WNK3: variants seen among roughly 807,000 people sequenced by gnomAD.
WNK3 encodes WNK lysine deficient protein kinase 3.
WNK3 carries 18 observed loss-of-function variants against 116.7 expected under a neutral mutation model. That is an observed-to-expected ratio of 0.15 (90% CI 0.11 to 0.23). WNK3 has a LOEUF of 0.23. Ranked by LOEUF, WNK3 falls within the 10% of genes least tolerant of loss-of-function variation. The pLI, the probability that WNK3 is intolerant of heterozygous loss-of-function variation, is 1.00. For missense variants in WNK3, 993 were observed against 1,323.8 expected, an observed-to-expected ratio of 0.75 and a Z score of 3.88; for synonymous variants, 404 against 469.4, an observed-to-expected ratio of 0.86 and a Z score of 1.80.
rs782272022 is a variant in WNK3, at chrX:54,245,145, CGTGTGTGTGTGT to C, written c.3651+3540_3651+3551del. Reference sequence around the variant, plus strand: ...TTGTGCATTTATGTACATATATATGCGTGTGTGTGTGTGTGTGTGTGTGTGTGTGTGTGTGTG... The same window carrying C: ...TTGTGCATTTATGTACATATATATGCGTGTGTGTGTGTGTGTGTGTGTGTG... On this transcript the variant is annotated intron_variant, in intron 17 of 23. Transcript: ENST00000354646. 6.8e-3 allele frequency among the ~76,000 whole-genome samples: 576 copies of C among 84,651 alleles called. 5 individuals are homozygous for C. The highest frequency in any genetic ancestry group is 0.023 in the African/African-American group (517 of 22,696). The allele number at this position is 84,651 out of a possible 115,157, so 73.5% of individuals were successfully genotyped here. A position where few individuals can be genotyped will look rare whatever the true frequency, so the allele number is the denominator to read the frequency against.
At chrX:54,240,059 T>A (rs2068005959) in intron 17 of WNK3, among the ~76,000 whole-genome samples, 1 of 111,338 alleles carries the variant, frequency 9.0e-6, no homozygotes, top group African/African-American at 3.3e-5. Context: ...AATGCCAGCA[T>A]TTTGGGAGGC....
chrX:54,284,586 C>G (rs1467819436), intron 10 of WNK3, among the ~76,000 whole-genome samples: 1 of 110,890 alleles, frequency 9.0e-6, no homozygotes, highest in African/African-American at 3.3e-5. Flanking sequence ...CACAATAGCC[C>G]AAAACCAGAA....
intron 10 of WNK3, among the ~76,000 whole-genome samples, chrX:54,271,824 G>A (rs1424737165): frequency 9.0e-6 from 1 of 111,603 alleles, no homozygotes; most frequent in Non-Finnish European, 1.9e-5. Context: ...CTGGAAAAAT[G>A]AGATCAATCT....
chrX:54,288,376 C>A (rs1467659256), intron 10 of WNK3, among the ~76,000 whole-genome samples: 1 of 111,527 alleles, frequency 9.0e-6, no homozygotes, highest in Admixed American at 9.6e-5. Flanking sequence ...TGGAGAGCAG[C>A]ATGTTGACTA....
At chrX:54,337,593 T>TAAATAAATAAAG (rs2069258119) in intron 1 of WNK3, among the ~76,000 whole-genome samples, 1 of 105,134 alleles carries the variant, frequency 9.5e-6, no homozygotes, top group Non-Finnish European at 1.9e-5. Context: ...AATAAATAAA[T>TAAATAAATAAAG]AAATAAAATA....
intron 22 of WNK3, among the ~76,000 whole-genome samples, chrX:54,219,693 A>G (rs2067740163): frequency 1.0e-5 from 1 of 100,360 alleles, no homozygotes; most frequent in East Asian, 3.1e-4. Flanking sequence ...AAAAAAAAAA[A>G]AAAAAAAGGA....
intron 10 of WNK3, among the ~76,000 whole-genome samples, chrX:54,266,626 C>T (rs1368048252): frequency 9.0e-6 from 1 of 110,693 alleles, no homozygotes; most frequent in Non-Finnish European, 1.9e-5. Flanking sequence ...CAGCCTTGAT[C>T]TCTCAGGCTC....
chrX:54,219,398 G>A (rs925783460), intron 22 of WNK3, among the ~76,000 whole-genome samples: 3 of 109,836 alleles, frequency 2.7e-5, no homozygotes, highest in East Asian at 2.8e-4. Context: ...AAGGAGACCC[G>A]GCCAGGCACG....
intron 21 of WNK3, among the ~76,000 whole-genome samples, chrX:54,229,796 T>C (rs1557148565): frequency 9.0e-6 from 1 of 111,051 alleles, no homozygotes; most frequent in African/African-American, 3.3e-5. Context: ...CTTCCACAAA[T>C]GGTAATGTAA....
intron 1 of WNK3, among the ~76,000 whole-genome samples, chrX:54,351,353 C>T (rs781986986): frequency 9.1e-6 from 1 of 109,691 alleles, no homozygotes; most frequent in Admixed American, 9.9e-5. Context: ...AACCATGGAA[C>T]CAACTCTTAA....
exon 24 of WNK3, chrX:54,193,297 T>A (rs1305347362): frequency 1.8e-5 from 2 of 111,535 alleles, no homozygotes; most frequent in African/African-American, 6.5e-5. Context: ...CTTGAACAAC[T>A]GCACTTTCCA....
intron 8 of WNK3, among the ~76,000 whole-genome samples, chrX:54,293,925 C>T (rs2068668716): frequency 1.8e-5 from 2 of 111,963 alleles, no homozygotes; most frequent in East Asian, 2.8e-4. Context: ...GCCTACAATC[C>T]CAACACTTTG....
In WNK3 at chrX:54,303,628, G is replaced by A. The variant is rs782683264; in HGVS notation, c.1090-1769C>T. On this transcript the variant is annotated intron_variant, in intron 5 of 23. Transcript: ENST00000354646. ...AAAATGTAGAAGCTTAAGACAGATGGAAATCTGAATTGTGATATGGCATTT... is the reference window on the plus strand; with the variant it reads ...AAAATGTAGAAGCTTAAGACAGATGAAAATCTGAATTGTGATATGGCATTT... 2.4e-3 allele frequency among the ~76,000 whole-genome samples: 262 copies of A among 110,937 alleles called. 1 individual carries two copies. The highest frequency in any genetic ancestry group is 8.1e-3 in the African/African-American group (248 of 30,641).
chrX:54,250,203 C>A, intron 15 of WNK3, 72 bp from the exon 16 acceptor site: 2 of 1,008,901 alleles, frequency 2.0e-6, no homozygotes, highest in South Asian at 5.2e-5. Context: ...ACTGAAGAAG[C>A]CAGGTTAAAT....
intron 5 of WNK3, among the ~76,000 whole-genome samples, 161 bp downstream of exon 5, chrX:54,307,761 T>C (rs782106236): frequency 3.6e-5 from 4 of 111,616 alleles, no homozygotes; most frequent in South Asian, 3.7e-4. Flanking sequence ...CAATGAAGCA[T>C]AGTCATATGG....
At chrX:54,255,982 G>T (rs2068188596) in intron 11 of WNK3, 95 bp from the exon 12 acceptor site, 1 of 741,153 alleles carries the variant, frequency 1.3e-6, no homozygotes, top group Admixed American at 3.6e-5. Flanking sequence ...ATGAATTTAA[G>T]AAAAATTAAT....
At position 54,225,494 on chromosome X, in the gene WNK3, G is replaced by A. The variant is rs190708314; in HGVS notation, c.4870+3220C>T. On this transcript the variant is annotated intron_variant, in intron 22 of 23. Coordinates refer to ENST00000354646, the Ensembl canonical transcript of WNK3. ...AAATTAGCCAGGTGTGGTGGTGCACGTCTGTAATCCCAGCTACTTGGGAGG... is the reference window on the plus strand; with the variant it reads ...AAATTAGCCAGGTGTGGTGGTGCACATCTGTAATCCCAGCTACTTGGGAGG... Among the ~76,000 whole-genome samples, 243 of 107,481 alleles carry A rather than the reference G, an allele frequency of 2.3e-3. 1 individual carries two copies. Among genetic ancestry groups the A allele is most frequent in the Non-Finnish European group, 2.8e-3 (148 of 52,094 alleles). 93.3% of individuals were successfully genotyped at this position (107,481 alleles called of 115,157 possible).
chrX:54,241,085 C>T (rs148378773), intron 17 of WNK3, among the ~76,000 whole-genome samples: 1 of 111,323 alleles, frequency 9.0e-6, no homozygotes, highest in Non-Finnish European at 1.9e-5. Flanking sequence ...GAGGCATGCG[C>T]CCCCAAATAA....
At chrX:54,200,352 G>T (rs954539721) in intron 23 of WNK3, among the ~76,000 whole-genome samples, 3 of 111,622 alleles carry the variant, frequency 2.7e-5, no homozygotes, top group African/African-American at 6.5e-5. Flanking sequence ...GTATTTCTGA[G>T]TAAGGATACA....
Sources: gnomAD v4.1 joint callset for allele counts (sites outside exome capture counted in the v4.1 genomes callset) on GRCh38, gnomAD v4.1.1 for gene constraint, MANE v1.5 for transcripts, NCBI Gene and HGNC (gene_info 2026-07-23, HGNC 2026-07-21) for gene names.